LVRN: variants seen among roughly 807,000 people sequenced by gnomAD.
LVRN encodes the protein laeverin.
In LVRN, 99 loss-of-function variants were observed where a neutral mutation model predicts 111.4. The ratio of observed to expected loss-of-function variants is 0.89; its 90% confidence interval spans 0.76 to 1.05. LVRN has a LOEUF of 1.05. Among genes scored for constraint, LVRN ranks in the 50% least tolerant of loss-of-function variants. The pLI is 0.00. For synonymous variants in LVRN, 488 were observed against 449.5 expected, an observed-to-expected ratio of 1.09 and a Z score of -1.08; for missense variants, 1,414 against 1,206.8, an observed-to-expected ratio of 1.17 and a Z score of -2.54.
chr5:115,998,471 T>A (rs1298819886), intron 6 of LVRN, among the ~76,000 whole-genome samples: 2 of 152,178 alleles, frequency 1.3e-5, no homozygotes, highest in Non-Finnish European at 2.9e-5. Flanking sequence ...GAAAAAGAAC[T>A]ACACTAACAT....
At chr5:115,991,759 G>C (rs1021709843) in intron 4 of LVRN, among the ~76,000 whole-genome samples, 2 of 152,184 alleles carry the variant, frequency 1.3e-5, no homozygotes, top group African/African-American at 4.8e-5. Flanking sequence ...AATGACAATT[G>C]ATGTTGAGCA....
In LVRN at chr5:115,962,552, G is replaced by C; in HGVS notation, c.-66G>C. The C allele has an allele frequency of 6.9e-7, 1 of 1,455,802 alleles. No homozygotes were observed. Among genetic ancestry groups the C allele is most frequent in the South Asian group, 1.2e-5 (1 of 81,772 alleles). The allele number at this position is 1,455,802 out of a possible 1,614,324, so 90.2% of individuals were successfully genotyped here. ...CAGGGGTCGCAGCACTGAACACCCTGGCCGGGGTTTTGACAGCTGCCACAG... is the reference window on the plus strand; with the variant it reads ...CAGGGGTCGCAGCACTGAACACCCTCGCCGGGGTTTTGACAGCTGCCACAG... On this transcript the variant is annotated 5_prime_UTR_variant, in exon 1 of 20. Transcript: ENST00000357872.
chr5:116,022,039 G>GT lies in LVRN; in HGVS notation c.2757-346dup, dbSNP rs1748741243. ...TGAAATGGATCCTCTATGAACTACT[G>GT]TTTTTTAAGGGGCATAATTTATATA... On this transcript the variant is annotated intron_variant, in intron 18 of 19. Coordinates refer to ENST00000357872, the MANE Select transcript of LVRN (RefSeq NM_173800.5). 4 of 216,804 alleles carry GT rather than the reference G, an allele frequency of 1.8e-5. No individual in the cohort carries two copies. The East Asian group carries it at 4.5e-4, about 25-fold the overall frequency. The allele number at this position is 216,804 out of a possible 1,614,324, so 13.4% of individuals were successfully genotyped here.
At chr5:115,973,658 C>T (rs1054914594) in intron 1 of LVRN, among the ~76,000 whole-genome samples, 7 of 151,526 alleles carry the variant, frequency 4.6e-5, no homozygotes, top group Non-Finnish European at 8.9e-5. Flanking sequence ...AGGAACTTAT[C>T]CATTTAATCA....
chr5:115,996,562 A>C (rs925053901), intron 6 of LVRN, among the ~76,000 whole-genome samples: 1 of 152,160 alleles, frequency 6.6e-6, no homozygotes, highest in African/African-American at 2.4e-5. Flanking sequence ...AATGTGATTG[A>C]AATTGAGTAA....
chr5:116,011,868 T>C (rs908999070), intron 14 of LVRN, among the ~76,000 whole-genome samples: 1 of 152,208 alleles, frequency 6.6e-6, no homozygotes, highest in Non-Finnish European at 1.5e-5. Flanking sequence ...TTTTATAATT[T>C]TATATTTACC....
intron 2 of LVRN, among the ~76,000 whole-genome samples, chr5:115,984,198 C>T (rs2112572751): frequency 6.6e-6 from 1 of 152,262 alleles, no homozygotes; most frequent in African/African-American, 2.4e-5. Context: ...AGTAGAATTG[C>T]ACCTTGTTGA....
intron 1 of LVRN, among the ~76,000 whole-genome samples, chr5:115,963,788 C>A (rs1332294871): frequency 6.6e-6 from 1 of 152,146 alleles, no homozygotes; most frequent in Non-Finnish European, 1.5e-5. Flanking sequence ...CGGCGGAGAC[C>A]GCGGTCCTTC....
intron 1 of LVRN, among the ~76,000 whole-genome samples, chr5:115,980,368 C>A (rs1270628101): frequency 1.3e-5 from 2 of 151,754 alleles, no homozygotes; most frequent in South Asian, 2.1e-4. Context: ...GAGCCAAAGG[C>A]TGTGTGTCGT....
intron 12 of LVRN, among the ~76,000 whole-genome samples, chr5:116,003,587 G>GTTT (rs5870678): frequency 8.5e-6 from 1 of 117,478 alleles, no homozygotes; most frequent in South Asian, 2.6e-4. Context: ...TGTTTTTTTT[G>GTTT]TTTTTTTTTT....
At chr5:115,987,732 C>A (rs1173727739) in intron 3 of LVRN, 81 bp from the exon 4 acceptor site, 13 of 1,473,140 alleles carry the variant, frequency 8.8e-6, no homozygotes, top group Non-Finnish European at 1.1e-5. Context: ...GGTTCAGCAG[C>A]AGGGAATTGG....
At chr5:115,970,486 G>A (rs184149699) in intron 1 of LVRN, among the ~76,000 whole-genome samples, 2 of 150,752 alleles carry the variant, frequency 1.3e-5, no homozygotes, top group Admixed American at 1.3e-4. Flanking sequence ...GGGTTCAAGC[G>A]ATTCCCCTGC....
At position 115,970,992 on chromosome 5, in the gene LVRN, T is replaced by A. The variant is rs190019140; in HGVS notation, c.695+7680T>A. Among the ~76,000 whole-genome samples the A allele has an allele frequency of 1.6e-3, 247 of 152,356 alleles. 2 individuals are homozygous for A. The highest frequency in any genetic ancestry group is 5.1e-3 in the African/African-American group (213 of 41,588). Reference sequence around the variant, plus strand: ...AATTTTTATCAACGTATGGCAGAATTCTAGTTGTTCCAAATCCTTACCAGC... The same window carrying A: ...AATTTTTATCAACGTATGGCAGAATACTAGTTGTTCCAAATCCTTACCAGC... On this transcript the variant is annotated intron_variant, in intron 1 of 19. Transcript: ENST00000357872.
chr5:115,987,726 C>G (rs1413141382), intron 3 of LVRN, 87 bp from the exon 4 acceptor site: 9 of 1,453,452 alleles, frequency 6.2e-6, no homozygotes, highest in Non-Finnish European at 8.3e-6. Flanking sequence ...GACTTTGGTT[C>G]AGCAGCAGGG....
chr5:116,024,655 G>T (rs951305849), intron 19 of LVRN, among the ~76,000 whole-genome samples: 1 of 152,148 alleles, frequency 6.6e-6, no homozygotes, highest in African/African-American at 2.4e-5. Flanking sequence ...ACTGAATCCA[G>T]TGAAGTTTTG....
chr5:115,985,386 C>T (rs1025777451), intron 3 of LVRN, among the ~76,000 whole-genome samples: 2 of 152,062 alleles, frequency 1.3e-5, no homozygotes, highest in African/African-American at 4.8e-5. Context: ...TGCTCTGTAA[C>T]TCTCCAGACC....
At chr5:115,982,824 G>T (rs564145204) in intron 1 of LVRN, among the ~76,000 whole-genome samples, 4 of 152,086 alleles carry the variant, frequency 2.6e-5, no homozygotes, top group Admixed American at 6.5e-5. Context: ...AAAACTTTTT[G>T]TAAGTTTTTA....
At chr5:116,022,572 A>T in intron 19 of LVRN, 106 bp downstream of exon 19, 1 of 774,398 alleles carries the variant, frequency 1.3e-6, no homozygotes. Flanking sequence ...GAATTATTAC[A>T]TTCTATGCTT....
chr5:116,003,072 A>G (rs904661997), intron 11 of LVRN, among the ~76,000 whole-genome samples, 161 bp downstream of exon 11: 20 of 152,228 alleles, frequency 1.3e-4, no homozygotes, highest in Non-Finnish European at 2.4e-4. Flanking sequence ...ATCAAAAGCC[A>G]TTATATGTGA....
Sources: gnomAD v4.1 joint callset for allele counts (sites outside exome capture counted in the v4.1 genomes callset) on GRCh38, gnomAD v4.1.1 for gene constraint, MANE v1.5 for transcripts, NCBI Gene and HGNC (gene_info 2026-07-23, HGNC 2026-07-21) for gene names.